The following KCNIP1 variants were observed in gnomAD, a reference collection of about 807,000 sequenced individuals.
KCNIP1 encodes A-type potassium channel modulatory protein KCNIP1.
A neutral mutation model predicts 33.0 loss-of-function variants in KCNIP1; 18 were observed. The observed-to-expected ratio is 0.55, with a 90% CI of 0.38 to 0.81. The LOEUF is 0.81. Among genes scored for constraint, KCNIP1 ranks in the 30% least tolerant of loss-of-function variants. KCNIP1 has a pLI of 0.00. For missense variants in KCNIP1, 238 were observed against 271.6 expected (o/e 0.88, Z 0.87); for synonymous variants, 93 against 98.3 (o/e 0.95, Z 0.32).
intron 1 of KCNIP1, among the ~76,000 whole-genome samples, chr5:170,356,916 A>C (rs1422042731): frequency 6.6e-6 from 1 of 152,128 alleles, no homozygotes; most frequent in Admixed American, 6.5e-5. Context: ...CTGAGTCTGC[A>C]GCCTCCAGCC....
At chr5:170,370,158 G>A (rs1420759801) in intron 1 of KCNIP1, among the ~76,000 whole-genome samples, 2 of 152,192 alleles carry the variant, frequency 1.3e-5, no homozygotes, top group Non-Finnish European at 2.9e-5. Context: ...GAGGCGGGAA[G>A]TTGCTAGTAA....
chr5:170,472,932 T>A (rs1208143366), intron 1 of KCNIP1, among the ~76,000 whole-genome samples: 3 of 152,174 alleles, frequency 2.0e-5, no homozygotes, highest in African/African-American at 7.2e-5. Context: ...CTTCTTTTCC[T>A]CTGGGTAGAT....
chr5:170,671,620 GTC>G (rs748717904), intron 1 of KCNIP1, among the ~76,000 whole-genome samples: 1 of 152,128 alleles, frequency 6.6e-6, no homozygotes, highest in Non-Finnish European at 1.5e-5. Flanking sequence ...AGTTATGTCT[GTC>G]TCCCCCAGTA....
intron 1 of KCNIP1, among the ~76,000 whole-genome samples, chr5:170,544,962 G>A (rs1298066781): frequency 6.6e-6 from 1 of 152,098 alleles, no homozygotes; most frequent in Non-Finnish European, 1.5e-5. Context: ...TCTCTCCTTT[G>A]TAGTGTTTTT....
At chr5:170,395,458 G>A (rs1025046450) in intron 1 of KCNIP1, among the ~76,000 whole-genome samples, 1 of 152,214 alleles carries the variant, frequency 6.6e-6, no homozygotes, top group Non-Finnish European at 1.5e-5. Flanking sequence ...TATTTAAGAA[G>A]GGTACTTGCT....
intron 1 of KCNIP1, among the ~76,000 whole-genome samples, chr5:170,635,709 G>C (rs1760254346): frequency 6.6e-6 from 1 of 152,274 alleles, no homozygotes; most frequent in African/African-American, 2.4e-5. Context: ...GCCAAGATAA[G>C]TATCTTTGCA....
At chr5:170,446,258 G>T (rs561024648) in intron 1 of KCNIP1, among the ~76,000 whole-genome samples, 1 of 152,266 alleles carries the variant, frequency 6.6e-6, no homozygotes, top group South Asian at 2.1e-4. Flanking sequence ...CATTTCTGAA[G>T]GTTGCTGCTA....
In KCNIP1 at chr5:170,477,421, TTTTTG is replaced by T. The variant is rs971543173; in HGVS notation, c.88+123476_88+123480del. ...AAGGTGTTTATTTCCTGGGTTGGCT[TTTTTG>T]TTTTGTTTTGTTTTGTTTATTTGTT... is the stretch of plus-strand genomic sequence containing the variant. On this transcript the variant is annotated intron_variant, in intron 1 of 7. Transcript: ENST00000377360. 5.3e-5 allele frequency among the ~76,000 whole-genome samples: 8 copies of T among 151,828 alleles called. No individual in the cohort carries two copies. The South Asian group carries it at 8.3e-4, about 16-fold the overall frequency.
chr5:170,668,473 G>A (rs1016803847), intron 1 of KCNIP1, among the ~76,000 whole-genome samples: 7 of 152,212 alleles, frequency 4.6e-5, no homozygotes, highest in African/African-American at 1.7e-4. Context: ...TGATGAGCAT[G>A]TTGGTTGTTC....
intron 1 of KCNIP1, among the ~76,000 whole-genome samples, chr5:170,470,599 G>A (rs1381777463): frequency 2.0e-5 from 3 of 152,236 alleles, no homozygotes; most frequent in African/African-American, 7.2e-5. Flanking sequence ...ACAGGTAAGG[G>A]TTTTTAAAGG....
At chr5:170,679,860 G>A (rs577731557) in intron 1 of KCNIP1, among the ~76,000 whole-genome samples, 7 of 151,866 alleles carry the variant, frequency 4.6e-5, no homozygotes, top group South Asian at 4.2e-4. Flanking sequence ...TTTTCTCACC[G>A]ATGAGCATGT....
intron 1 of KCNIP1, chr5:170,383,611 C>G (rs765972986): frequency 6.4e-7 from 1 of 1,554,314 alleles, no homozygotes; most frequent in Non-Finnish European, 8.9e-7. Context: ...GGGACAGGGA[C>G]AGTTAGGAAC....
intron 4 of KCNIP1, 113 bp downstream of exon 4, chr5:170,722,016 A>G (rs1763842960): frequency 8.1e-7 from 1 of 1,238,176 alleles, no homozygotes; most frequent in Admixed American, 2.1e-5. Flanking sequence ...CAGTCAGACC[A>G]AAGACATGTT....
At chr5:170,622,546 C>T (rs1329269377) in intron 1 of KCNIP1, among the ~76,000 whole-genome samples, 2 of 149,654 alleles carry the variant, frequency 1.3e-5, no homozygotes, top group Non-Finnish European at 1.5e-5. Flanking sequence ...TGCTTGAACC[C>T]AGGAGGCAGA....
chr5:170,589,782 GAT>G (rs1266903877), intron 1 of KCNIP1, among the ~76,000 whole-genome samples: 43 of 140,652 alleles, frequency 3.1e-4, no homozygotes, highest in South Asian at 1.3e-3. Flanking sequence ...GGTGTGGTGT[GAT>G]GTGATGTGGT....
intron 1 of KCNIP1, among the ~76,000 whole-genome samples, chr5:170,517,353 C>T (rs1755162262): frequency 6.6e-6 from 1 of 152,170 alleles, no homozygotes; most frequent in Admixed American, 6.5e-5. Context: ...CTTGTCCCTC[C>T]CCCAACATTA....
At chr5:170,438,944 G>A (rs919891456) in intron 1 of KCNIP1, among the ~76,000 whole-genome samples, 5 of 152,028 alleles carry the variant, frequency 3.3e-5, no homozygotes, top group Non-Finnish European at 7.4e-5. Flanking sequence ...CAGACCCCTC[G>A]GGTACCTTTC....
chr5:170,585,411 G>A (rs904364407), intron 1 of KCNIP1, among the ~76,000 whole-genome samples: 21 of 152,116 alleles, frequency 1.4e-4, no homozygotes, highest in African/African-American at 5.1e-4. Flanking sequence ...CATGTTGCTT[G>A]TTGACTTCCT....
chr5:170,428,797 C>G (rs1755669941), intron 1 of KCNIP1, among the ~76,000 whole-genome samples: 1 of 152,064 alleles, frequency 6.6e-6, no homozygotes, highest in Admixed American at 6.5e-5. Flanking sequence ...TGATCAAAGC[C>G]TGGTTCTATG....
Sources: gnomAD v4.1 joint callset for allele counts (sites outside exome capture counted in the v4.1 genomes callset) on GRCh38, gnomAD v4.1.1 for gene constraint, MANE v1.5 for transcripts, NCBI Gene and HGNC (gene_info 2026-07-23, HGNC 2026-07-21) for gene names.